Variants in PDE1A observed in about 807,000 individuals in gnomAD.
PDE1A encodes the protein phosphodiesterase 1A.
PDE1A carries 35 observed loss-of-function variants against 61.7 expected under a neutral mutation model. The ratio of observed to expected loss-of-function variants is 0.57; its 90% CI spans 0.43 to 0.75. The LOEUF (loss-of-function observed/expected upper bound fraction) is 0.75. PDE1A is among the 30% of genes least tolerant of loss of function. The probability of loss-of-function intolerance (pLI) is 0.00; values close to 1 mark genes in which losing one functional copy is unlikely to be tolerated. For missense variants in PDE1A, 597 were observed against 630.6 expected (o/e 0.95, Z 0.57); for synonymous variants, 232 against 213.2 (o/e 1.09, Z -0.77).
At chr2:182,522,238 T>C (rs1436697220) in intron 2 of PDE1A, 2 of 1,549,880 alleles carry the variant, frequency 1.3e-6, no homozygotes, top group Non-Finnish European at 1.8e-6. Context: ...AATAGTCAAA[T>C]CTTTTGGGGG....
chr2:182,536,697 C>G, the PDE1A span, among the ~76,000 whole-genome samples: 1 of 152,170 alleles, frequency 6.6e-6, no homozygotes. Flanking sequence ...CATTCCCCTC[C>G]TCCCTTGAAG....
chr2:182,235,764 C>G (rs1689961080), intron 3 of PDE1A, among the ~76,000 whole-genome samples: 1 of 152,124 alleles, frequency 6.6e-6, no homozygotes, highest in African/African-American at 2.4e-5. Flanking sequence ...CTGGACAATG[C>G]CATAGCTTAA....
At chr2:182,282,286 A>G (rs543129155) in intron 1 of PDE1A, among the ~76,000 whole-genome samples, 6 of 151,968 alleles carry the variant, frequency 3.9e-5, no homozygotes, top group Non-Finnish European at 5.9e-5. Flanking sequence ...AGAGATGATC[A>G]TTGTCAGGAA....
At chr2:182,208,265 T>C (rs186222970) in intron 7 of PDE1A, among the ~76,000 whole-genome samples, 2 of 152,202 alleles carry the variant, frequency 1.3e-5, no homozygotes, top group East Asian at 1.9e-4. Context: ...CAGTTCTGCA[T>C]GGCTGGTGGG....
intron 6 of PDE1A, among the ~76,000 whole-genome samples, chr2:182,226,330 C>T (rs2125622337): frequency 6.7e-6 from 1 of 149,696 alleles, no homozygotes; most frequent in Admixed American, 6.6e-5. Context: ...AATACATTTC[C>T]TGTTTTTACT....
chr2:182,583,989 C>T, the PDE1A span, among the ~76,000 whole-genome samples: 44 of 152,280 alleles, frequency 2.9e-4, no homozygotes, highest in Non-Finnish European at 5.6e-4. Context: ...ATCCTTCAAC[C>T]TCTGATTTCC....
intron 2 of PDE1A, among the ~76,000 whole-genome samples, chr2:182,444,673 G>C (rs1476601321): frequency 6.6e-6 from 1 of 151,670 alleles, no homozygotes; most frequent in African/African-American, 2.4e-5. Flanking sequence ...AGAAGGCTTA[G>C]AAATAATGGC....
chr2:182,484,247 C>T (rs1339833163), intron 2 of PDE1A, among the ~76,000 whole-genome samples: 2 of 151,894 alleles, frequency 1.3e-5, no homozygotes, highest in East Asian at 3.9e-4. Flanking sequence ...CAACTCTTTG[C>T]ATAAATTCAA....
the PDE1A span, among the ~76,000 whole-genome samples, chr2:182,646,234 G>A: frequency 2.0e-5 from 3 of 151,804 alleles, no homozygotes; most frequent in Non-Finnish European, 4.4e-5. Flanking sequence ...GATCACCTGA[G>A]GCCAGGAGTT....
At chr2:182,650,998 T>C in the PDE1A span, among the ~76,000 whole-genome samples, 15 of 152,214 alleles carry the variant, frequency 9.9e-5, no homozygotes, top group African/African-American at 3.6e-4. Flanking sequence ...TTTTGGGTTT[T>C]TGTTTTGTTT....
chr2:182,408,537 C>T (rs1702432407), intron 1 of PDE1A, among the ~76,000 whole-genome samples: 1 of 152,120 alleles, frequency 6.6e-6, no homozygotes, highest in African/African-American at 2.4e-5. Context: ...TGCTACAGAC[C>T]CTTAACTATT....
chr2:182,519,224 A>G (rs1436130601), intron 2 of PDE1A, among the ~76,000 whole-genome samples: 1 of 152,104 alleles, frequency 6.6e-6, no homozygotes, highest in Admixed American at 6.5e-5. Flanking sequence ...TTGAGATGGC[A>G]TAAGAAATAG....
intron 2 of PDE1A, among the ~76,000 whole-genome samples, chr2:182,262,104 C>T (rs942011640): frequency 1.3e-5 from 2 of 149,206 alleles, no homozygotes; most frequent in African/African-American, 2.4e-5. Context: ...TGAACATTCA[C>T]CAAGAAAATA....
chr2:182,243,079 A>G (rs1437185500), intron 2 of PDE1A, among the ~76,000 whole-genome samples: 1 of 152,178 alleles, frequency 6.6e-6, no homozygotes, highest in African/African-American at 2.4e-5. Flanking sequence ...TTCATTTAAT[A>G]GAACATACCA....
intron 13 of PDE1A, among the ~76,000 whole-genome samples, chr2:182,169,671 T>G (rs1037688273): frequency 6.6e-6 from 1 of 152,064 alleles, no homozygotes; most frequent in Non-Finnish European, 1.5e-5. Context: ...CCAAGACAGA[T>G]GAGCTTCACA....
chr2:182,302,907 T>C (rs979665164), intron 1 of PDE1A, among the ~76,000 whole-genome samples: 1 of 152,240 alleles, frequency 6.6e-6, no homozygotes, highest in African/African-American at 2.4e-5. Flanking sequence ...GGAACCACTT[T>C]CTTTGCTCAC....
chr2:182,404,237 A>T (rs16823168), intron 1 of PDE1A, among the ~76,000 whole-genome samples: 7,565 of 152,234 alleles, frequency 0.05, 610 homozygotes, highest in African/African-American at 0.17. Context: ...AGGAGCAGAG[A>T]AGAGCAAAGG....
chr2:182,555,916 G>A, the PDE1A span, among the ~76,000 whole-genome samples: 4 of 128,314 alleles, frequency 3.1e-5, no homozygotes, highest in African/African-American at 1.2e-4. Context: ...GCAGTAAGCC[G>A]AGATGTCGCC....
At chr2:182,506,364 G>C (rs993969118) in intron 2 of PDE1A, among the ~76,000 whole-genome samples, 2 of 152,116 alleles carry the variant, frequency 1.3e-5, no homozygotes, top group African/African-American at 4.8e-5. Context: ...TTTTATAGAT[G>C]TGACTTCTTG....
Sources: gnomAD v4.1 joint callset for allele counts (sites outside exome capture counted in the v4.1 genomes callset) on GRCh38, gnomAD v4.1.1 for gene constraint, MANE v1.5 for transcripts, NCBI Gene and HGNC (gene_info 2026-07-23, HGNC 2026-07-21) for gene names.